The following RAP1B variants were observed in gnomAD, a reference collection of about 807,000 sequenced individuals.
RAP1B encodes the protein ras-related protein Rap-1b.
In RAP1B, 1 loss-of-function variant was observed where a neutral mutation model predicts 27.5. The ratio of observed to expected loss-of-function variants is 0.04; its 90% CI spans 0.01 to 0.17. RAP1B has a LOEUF of 0.17. Among genes scored for constraint, RAP1B ranks in the 10% least tolerant of loss-of-function variants. RAP1B has a pLI of 1.00. For missense variants in RAP1B, 84 were observed against 214.8 expected (o/e 0.39, Z 3.81); for synonymous variants, 75 against 73.1 (o/e 1.03, Z -0.13).
chr12:68,658,844 T>C (rs1482077256), intron 7 of RAP1B, among the ~76,000 whole-genome samples: 1 of 152,216 alleles, frequency 6.6e-6, no homozygotes, highest in African/African-American at 2.4e-5. Flanking sequence ...TAGATGTGCA[T>C]TCTATACTTA....
At chr12:68,634,167 CTAGA>C (rs1277187664) in intron 1 of RAP1B, among the ~76,000 whole-genome samples, 2 of 152,114 alleles carry the variant, frequency 1.3e-5, no homozygotes, top group Admixed American at 6.6e-5. Flanking sequence ...CTATAAACAC[CTAGA>C]TAGATATAAT....
intron 5 of RAP1B, among the ~76,000 whole-genome samples, chr12:68,655,801 G>A (rs887273074): frequency 6.6e-6 from 1 of 152,202 alleles, no homozygotes; most frequent in East Asian, 1.9e-4. Context: ...CTCCCAAAGT[G>A]CTGGGATTAC....
rs184789628 is a variant in RAP1B at position 68,646,303 on chromosome 12, T to G, written c.-26-2396T>G. ...ATCACTACAACCAGTTTTTGGTGTGTTTTTTTTTTTGAGATGGAGTGTTGC... is the reference window on the plus strand; with the variant it reads ...ATCACTACAACCAGTTTTTGGTGTGGTTTTTTTTTTGAGATGGAGTGTTGC... On this transcript the variant is annotated intron_variant, in intron 1 of 7. Coordinates refer to ENST00000250559, the MANE Select transcript of RAP1B (RefSeq NM_001010942.3). Among the ~76,000 whole-genome samples, 777 of 146,602 alleles carry G rather than the reference T, an allele frequency of 5.3e-3. 7 individuals are homozygous for G. Among genetic ancestry groups the G allele is most frequent in the South Asian group, 0.018 (86 of 4,664 alleles).
At chr12:68,617,202 A>G (rs1031813142) in intron 1 of RAP1B, among the ~76,000 whole-genome samples, 2 of 152,208 alleles carry the variant, frequency 1.3e-5, no homozygotes, top group South Asian at 2.1e-4. Flanking sequence ...GACTATATAT[A>G]TAATCTATTT....
chr12:68,650,771 C>A (rs1873756854), intron 3 of RAP1B: 2 of 169,122 alleles, frequency 1.2e-5, no homozygotes, highest in Admixed American at 1.3e-4. Context: ...TGATTACTCT[C>A]AAGCTCCCTT....
chr12:68,640,804 G>A (rs1352795505), intron 1 of RAP1B, among the ~76,000 whole-genome samples: 2 of 152,038 alleles, frequency 1.3e-5, no homozygotes, highest in South Asian at 2.1e-4. Context: ...GCATTTTGAT[G>A]TGTAATATAG....
intron 1 of RAP1B, among the ~76,000 whole-genome samples, chr12:68,619,100 G>A (rs756435575): frequency 6.6e-6 from 1 of 152,204 alleles, no homozygotes; most frequent in Non-Finnish European, 1.5e-5. Context: ...ACCCTGTCTC[G>A]AAAAACAAAA....
At chr12:68,640,074 C>T (rs966266428) in intron 1 of RAP1B, among the ~76,000 whole-genome samples, 1 of 151,866 alleles carries the variant, frequency 6.6e-6, no homozygotes, top group Non-Finnish European at 1.5e-5. Flanking sequence ...CTCCTGACCT[C>T]GTGATCCACC....
intron 1 of RAP1B, among the ~76,000 whole-genome samples, chr12:68,632,693 T>A (rs1872353171): frequency 6.6e-6 from 1 of 152,056 alleles, no homozygotes; most frequent in Admixed American, 6.6e-5. Flanking sequence ...GTGGAGTAAA[T>A]GGTGGCAGTG....
chr12:68,639,461 T>TC (rs1353195316), intron 1 of RAP1B, among the ~76,000 whole-genome samples: 1 of 152,244 alleles, frequency 6.6e-6, no homozygotes, highest in African/African-American at 2.4e-5. Context: ...TAATACGTAA[T>TC]CAAGTCCTAA....
rs1874821615 is a variant in RAP1B at position 68,665,808 on chromosome 12, C to G, written c.*6559C>G. The G allele has an allele frequency of 6.6e-6, 1 of 151,836 alleles. No homozygotes were observed. The highest frequency in any genetic ancestry group is 1.5e-5 in the Non-Finnish European group (1 of 68,002). 9.4% of individuals were successfully genotyped at this position (151,836 alleles called of 1,614,324 possible). The stretch of plus-strand genomic sequence containing the variant: ...TCTGCAGCAACTATAAAGTCTGTTT[C>G]AGAGTCAGTATTGGCAAACTTATAT... On this transcript the variant is annotated 3_prime_UTR_variant, in exon 8 of 8. Coordinates refer to ENST00000250559, the MANE Select transcript of RAP1B (RefSeq NM_001010942.3).
At position 68,663,782 on chromosome 12, in the gene RAP1B, C is replaced by T. The variant is rs1004648170; in HGVS notation, c.*4533C>T. ...AATAAATGCATTCAGTATTCTCTAC[C>T]GTGTTTCAGGCGCTGTTTACAATAT... On this transcript the variant is annotated 3_prime_UTR_variant, in exon 8 of 8. Transcript: ENST00000250559. 1 of 152,128 alleles carries T rather than the reference C, an allele frequency of 6.6e-6. No homozygotes were observed. Among genetic ancestry groups the T allele is most frequent in the African/African-American group, 2.4e-5 (1 of 41,416 alleles). 9.4% of individuals were successfully genotyped at this position (152,128 alleles called of 1,614,324 possible). A position where few individuals can be genotyped will look rare whatever the true frequency, so the allele number is the denominator to read the frequency against.
At chr12:68,634,828 T>C (rs899132376) in intron 1 of RAP1B, among the ~76,000 whole-genome samples, 3 of 152,198 alleles carry the variant, frequency 2.0e-5, no homozygotes, top group Non-Finnish European at 2.9e-5. Flanking sequence ...TGTCAAATTA[T>C]ATGTTGTTGA....
At chr12:68,654,781 A>G (rs958862150) in intron 5 of RAP1B, among the ~76,000 whole-genome samples, 1 of 152,164 alleles carries the variant, frequency 6.6e-6, no homozygotes, top group East Asian at 1.9e-4. Flanking sequence ...AGATTCTAAC[A>G]TTATTAATTT....
At chr12:68,650,176 A>G (rs1279805226) in intron 2 of RAP1B, 1 of 310,538 alleles carries the variant, frequency 3.2e-6, no homozygotes, top group African/African-American at 2.2e-5. Context: ...TGATCTCTAA[A>G]TTTAGAATTA....
chr12:68,634,491 A>G (rs966564300), intron 1 of RAP1B, among the ~76,000 whole-genome samples: 1 of 152,012 alleles, frequency 6.6e-6, no homozygotes, highest in Non-Finnish European at 1.5e-5. Flanking sequence ...AGTCACATCT[A>G]GAGAATTGGG....
At chr12:68,643,243 A>G in intron 1 of RAP1B, among the ~76,000 whole-genome samples, 1 of 152,092 alleles carries the variant, frequency 6.6e-6, no homozygotes, top group East Asian at 1.9e-4. Context: ...CTTAATCCTT[A>G]TTTTCTACTG....
At chr12:68,619,487 C>T (rs1871247996) in intron 1 of RAP1B, among the ~76,000 whole-genome samples, 1 of 152,112 alleles carries the variant, frequency 6.6e-6, no homozygotes, top group African/African-American at 2.4e-5. Flanking sequence ...AAAGTGTCAG[C>T]TAGACCAATG....
chr12:68,630,010 C>A (rs1872119130), intron 1 of RAP1B, among the ~76,000 whole-genome samples: 1 of 152,176 alleles, frequency 6.6e-6, no homozygotes, highest in African/African-American at 2.4e-5. Context: ...CCTGTCTCTC[C>A]TTCACTTAAA....
Sources: gnomAD v4.1 joint callset for allele counts (sites outside exome capture counted in the v4.1 genomes callset) on GRCh38, gnomAD v4.1.1 for gene constraint, MANE v1.5 for transcripts, NCBI Gene and HGNC (gene_info 2026-07-23, HGNC 2026-07-21) for gene names.